ADAMTS18: variants seen among roughly 807,000 people sequenced by gnomAD.
ADAMTS18 encodes A disintegrin and metalloproteinase with thrombospondin motifs 18.
A neutral mutation model predicts 165.9 loss-of-function variants in ADAMTS18; 157 were observed. The observed-to-expected ratio is 0.95, with a 90% CI of 0.83 to 1.08. The LOEUF (loss-of-function observed/expected upper bound fraction) is 1.08, where lower values mean the gene tolerates loss of function less well. ADAMTS18 is among the 50% of genes least tolerant of loss of function. The probability of loss-of-function intolerance (pLI) is 0.00; values close to 1 mark genes in which losing one functional copy is unlikely to be tolerated. For missense variants in ADAMTS18, 2,040 were observed against 1,534.0 expected, an observed-to-expected ratio of 1.33 and a Z score of -5.51; for synonymous variants, 782 against 578.2, an observed-to-expected ratio of 1.35 and a Z score of -5.06.
intron 10 of ADAMTS18, among the ~76,000 whole-genome samples, chr16:77,342,827 C>G: frequency 6.6e-6 from 1 of 152,100 alleles, no homozygotes; most frequent in East Asian, 1.9e-4. Context: ...CAGAGACTGT[C>G]CTAAATTTTC....
Position 77,363,885 on chromosome 16 carries a change from C to G in ADAMTS18, c.973G>C (p.Val325Leu). 1 of 1,613,822 alleles carries G rather than the reference C, an allele frequency of 6.2e-7. No homozygotes were observed. The highest frequency in any genetic ancestry group is 8.5e-7 in the Non-Finnish European group (1 of 1,179,878). Residue 325 changes from valine to leucine, a missense_variant and splice_region_variant, in exon 6 of 23, where the codon GTT (valine) becomes CTT (leucine). By Grantham distance (32) the Val-to-Leu change is conservative. Coordinates refer to ENST00000282849, the MANE Select transcript of ADAMTS18 (RefSeq NM_199355.4). ...TTYILTVMNM[V>L]SGLFKDGTIG... ...GTCCCATCTTTAAATAGGCCAGAAA[C>G]CTGTTGGAACAATGGAAATCAAACA...
At chr16:77,314,453 A>T (rs1035564468) in intron 16 of ADAMTS18, among the ~76,000 whole-genome samples, 1 of 151,388 alleles carries the variant, frequency 6.6e-6, no homozygotes, top group African/African-American at 2.4e-5. Context: ...ACTAAAAAAC[A>T]TATACAAAAT....
intron 16 of ADAMTS18, among the ~76,000 whole-genome samples, chr16:77,301,318 C>T (rs958415786): frequency 1.3e-5 from 2 of 151,284 alleles, no homozygotes; most frequent in Non-Finnish European, 2.9e-5. Flanking sequence ...TGTGCAAGAT[C>T]ACACAAGTGA....
chr16:77,344,748 A>G (rs1032173517), intron 10 of ADAMTS18, among the ~76,000 whole-genome samples: 4 of 152,074 alleles, frequency 2.6e-5, no homozygotes, highest in South Asian at 2.1e-4. Flanking sequence ...CAAAACAAAA[A>G]AAAAAACACA....
At chr16:77,334,705 C>T (rs1414041093) in intron 12 of ADAMTS18, among the ~76,000 whole-genome samples, 2 of 103,120 alleles carry the variant, frequency 1.9e-5, no homozygotes, top group African/African-American at 7.5e-5. Context: ...TATATATATA[C>T]TGTATACTAT....
chr16:77,293,139 GC>G lies in ADAMTS18; in HGVS notation c.3125del (p.Gly1042AlafsTer31). On this transcript the variant is annotated frameshift_variant, in exon 20 of 23. Coordinates refer to ENST00000282849, the MANE Select transcript of ADAMTS18 (RefSeq NM_199355.4). LOFTEE classifies it high-confidence loss of function. Reference protein sequence around the residue: ...TSLPRPELQEGCVLGRCPKNS... With the variant: ...TSLPRPELQEXCVLGRCPKNS... ...TCTTGGGGCATCGTCCAAGCACACA[GC>G]CCTCCTGCAGCTCAGGTCTGGGGAG... is the stretch of plus-strand genomic sequence containing the variant. 8 of 1,613,998 alleles carry G rather than the reference GC, an allele frequency of 5.0e-6. No individual in the cohort carries two copies. Among genetic ancestry groups the G allele is most frequent in the Non-Finnish European group, 6.8e-6 (8 of 1,179,984 alleles).
intron 10 of ADAMTS18, among the ~76,000 whole-genome samples, chr16:77,344,540 C>A (rs1317898907): frequency 6.6e-6 from 1 of 152,084 alleles, no homozygotes; most frequent in East Asian, 1.9e-4. Context: ...ATTAAACCTA[C>A]ACTTAGAAAG....
intron 18 of ADAMTS18, among the ~76,000 whole-genome samples, chr16:77,296,054 A>T (rs867157553): frequency 6.6e-6 from 1 of 151,976 alleles, no homozygotes; most frequent in African/African-American, 2.4e-5. Context: ...GCACATCTTT[A>T]TATATAAAGA....
At chr16:77,293,706 G>T (rs1015306814) in intron 19 of ADAMTS18, among the ~76,000 whole-genome samples, 1 of 150,220 alleles carries the variant, frequency 6.7e-6, no homozygotes, top group Non-Finnish European at 1.5e-5. Flanking sequence ...GGTGCTTTGG[G>T]GATAAAACTG....
rs766827255 is a variant in ADAMTS18, at chr16:77,284,065, G to A, written c.3557C>T (p.Pro1186Leu). 7 of 1,607,320 alleles carry A rather than the reference G, an allele frequency of 4.4e-6. No homozygotes were observed. Residue 1186 changes from proline to leucine, a missense_variant, in exon 23 of 23, where the codon CCA becomes CTA. By Grantham distance (98) the Pro-to-Leu change is moderately conservative (BLOSUM62 -3). Transcript: ENST00000282849. ...CCAGTTGAAGAAATCTACGCAGGATGGATCCTCTAAAATAAGAAAATATAT... is the reference window on the plus strand; with the variant it reads ...CCAGTTGAAGAAATCTACGCAGGATAGATCCTCTAAAATAAGAAAATATAT... ...FCPAPEKRED[P>L]SCVDFFNWCH...
chr16:77,293,977 T>C (rs1597085833), intron 19 of ADAMTS18, among the ~76,000 whole-genome samples: 1 of 151,810 alleles, frequency 6.6e-6, no homozygotes, highest in Non-Finnish European at 1.5e-5. Flanking sequence ...TGTCCTAACA[T>C]TAAAAAATAA....
Position 77,342,861 on chromosome 16 carries a change from A to G in ADAMTS18, c.1615-1062T>C, listed in dbSNP as rs537250907. ...TCCAGGTGGGCCTAACATAGTCACAAGAGTCCTTATATGGGAAAGAGGAGC... is the reference window on the plus strand; with the variant it reads ...TCCAGGTGGGCCTAACATAGTCACAGGAGTCCTTATATGGGAAAGAGGAGC... On this transcript the variant is annotated intron_variant, in intron 10 of 22. Transcript: ENST00000282849. 3.9e-5 allele frequency among the ~76,000 whole-genome samples: 6 copies of G among 152,286 alleles called. No individual in the cohort carries two copies. The East Asian group carries it at 7.7e-4, about 20-fold the overall frequency.
At chr16:77,316,874 C>G (rs2055896514) in intron 16 of ADAMTS18, among the ~76,000 whole-genome samples, 1 of 152,078 alleles carries the variant, frequency 6.6e-6, no homozygotes, top group Non-Finnish European at 1.5e-5. Context: ...ACCATGTAGG[C>G]CAGTCTGGTC....
chr16:77,390,466 C>A (rs2057170312), intron 3 of ADAMTS18, among the ~76,000 whole-genome samples: 1 of 152,038 alleles, frequency 6.6e-6, no homozygotes, highest in African/African-American at 2.4e-5. Flanking sequence ...CCGAGGCGGG[C>A]AGATCACAAG....
intron 3 of ADAMTS18, among the ~76,000 whole-genome samples, chr16:77,386,820 T>A (rs1384571023): frequency 1.3e-5 from 2 of 152,208 alleles, no homozygotes; most frequent in African/African-American, 2.4e-5. Context: ...TGTAACTTAT[T>A]ACATGCAAAT....
intron 12 of ADAMTS18, among the ~76,000 whole-genome samples, chr16:77,327,072 C>A (rs1009692877): frequency 2.0e-5 from 3 of 152,200 alleles, no homozygotes; most frequent in African/African-American, 4.8e-5. Flanking sequence ...TGCATATGTA[C>A]CACATTTCTT....
At chr16:77,359,040 C>CA (rs1289705428) in intron 8 of ADAMTS18, among the ~76,000 whole-genome samples, 1 of 152,136 alleles carries the variant, frequency 6.6e-6, no homozygotes, top group East Asian at 1.9e-4. Flanking sequence ...TTCATTGCTG[C>CA]AAAACATGAA....
intron 3 of ADAMTS18, among the ~76,000 whole-genome samples, chr16:77,394,826 T>G (rs2057235669): frequency 6.6e-6 from 1 of 152,186 alleles, no homozygotes; most frequent in Non-Finnish European, 1.5e-5. Context: ...CTTGAGATGG[T>G]CCTTTAGCAT....
intron 10 of ADAMTS18, among the ~76,000 whole-genome samples, chr16:77,342,441 G>C (rs2056412560): frequency 1.4e-5 from 2 of 142,778 alleles, no homozygotes; most frequent in Non-Finnish European, 3.0e-5. Flanking sequence ...TTTTCTATGA[G>C]TGCTGTTTAT....
Sources: allele counts gnomAD v4.1 joint callset (sites outside exome capture counted in the v4.1 genomes callset), GRCh38; gene constraint gnomAD v4.1.1; transcripts MANE v1.5; gene names NCBI Gene and HGNC (gene_info 2026-07-23, HGNC 2026-07-21).